The following CHCHD6 variants were observed in gnomAD, a reference collection of about 807,000 sequenced individuals.
CHCHD6 encodes the protein MICOS complex subunit MIC25.
Under a neutral mutation model 32.3 loss-of-function variants are expected in CHCHD6, and 28 were observed. The observed-to-expected ratio is 0.87, with a 90% CI of 0.64 to 1.19. The LOEUF (loss-of-function observed/expected upper bound fraction) is 1.19, where lower values mean the gene tolerates loss of function less well. Among genes scored for constraint, CHCHD6 ranks in the 50% most tolerant of loss-of-function variants. The probability of loss-of-function intolerance (pLI) is 0.00; values close to 1 mark genes in which losing one functional copy is unlikely to be tolerated. For synonymous variants in CHCHD6, 122 were observed against 117.5 expected, an observed-to-expected ratio of 1.04 and a Z score of -0.25; for missense variants, 333 against 307.0, an observed-to-expected ratio of 1.08 and a Z score of -0.63.
intron 5 of CHCHD6, among the ~76,000 whole-genome samples, chr3:126,908,938 C>T (rs4679302): frequency 0.72 from 110,111 of 152,194 alleles, 41,791 homozygotes; most frequent in Non-Finnish European, 0.84. Flanking sequence ...AGAGGTGGGT[C>T]CTGACCCTGC....
intron 5 of CHCHD6, among the ~76,000 whole-genome samples, chr3:126,857,215 G>GC (rs1359362615): frequency 6.6e-6 from 1 of 152,166 alleles, no homozygotes; most frequent in Non-Finnish European, 1.5e-5. Context: ...ATGGGAGGAT[G>GC]CCCATATGCA....
chr3:126,766,103 T>C (rs547605319), intron 4 of CHCHD6, among the ~76,000 whole-genome samples: 1 of 152,052 alleles, frequency 6.6e-6, no homozygotes, highest in Non-Finnish European at 1.5e-5. Flanking sequence ...AAAGGGGTGT[T>C]TTGGGGAGTG....
At chr3:126,901,009 C>CG (rs1331554535) in intron 5 of CHCHD6, among the ~76,000 whole-genome samples, 1 of 151,992 alleles carries the variant, frequency 6.6e-6, no homozygotes, top group Non-Finnish European at 1.5e-5. Flanking sequence ...ATGCAAACAC[C>CG]CCCCCCAGGC....
intron 4 of CHCHD6, among the ~76,000 whole-genome samples, chr3:126,827,268 ATAT>A (rs1328374109): frequency 1.3e-5 from 2 of 152,208 alleles, no homozygotes; most frequent in Non-Finnish European, 2.9e-5. Context: ...TGTCCTGGGA[ATAT>A]TATTCTTGCT....
chr3:126,872,655 A>G (rs1408340376), intron 5 of CHCHD6, among the ~76,000 whole-genome samples: 1 of 152,154 alleles, frequency 6.6e-6, no homozygotes, highest in Non-Finnish European at 1.5e-5. Context: ...TCCTTGCCTG[A>G]GCTGCCAGGA....
intron 4 of CHCHD6, among the ~76,000 whole-genome samples, chr3:126,825,707 A>G (rs1176818851): frequency 6.6e-6 from 1 of 152,068 alleles, no homozygotes; most frequent in South Asian, 2.1e-4. Flanking sequence ...TAACTTTACT[A>G]CTTTAACTTT....
At chr3:126,813,584 A>G (rs907476792) in intron 4 of CHCHD6, among the ~76,000 whole-genome samples, 10 of 152,204 alleles carry the variant, frequency 6.6e-5, no homozygotes, top group African/African-American at 2.4e-4. Context: ...CAATTTGAGA[A>G]AGGCATTAGT....
At chr3:126,817,201 G>A (rs1255089172) in intron 4 of CHCHD6, among the ~76,000 whole-genome samples, 1 of 152,140 alleles carries the variant, frequency 6.6e-6, no homozygotes, top group Non-Finnish European at 1.5e-5. Flanking sequence ...CATTACCTCT[G>A]CAGAATGTTC....
chr3:126,782,229 A>T (rs948756724), intron 4 of CHCHD6, among the ~76,000 whole-genome samples: 2 of 152,230 alleles, frequency 1.3e-5, no homozygotes, highest in Non-Finnish European at 2.9e-5. Context: ...CATAGTGAGT[A>T]ATTGAATAAT....
At chr3:126,766,580 C>T in intron 4 of CHCHD6, 1 of 1,173,420 alleles carries the variant, frequency 8.5e-7, no homozygotes, top group Non-Finnish European at 1.3e-6. Flanking sequence ...TCCTGGGCTG[C>T]AGTGGAAGAC....
intron 4 of CHCHD6, among the ~76,000 whole-genome samples, chr3:126,738,405 A>G (rs1018443085): frequency 2.0e-5 from 3 of 152,204 alleles, no homozygotes; most frequent in African/African-American, 7.2e-5. Context: ...AAGTTTTTGA[A>G]TTGCAATTTT....
chr3:126,838,628 ATTCTTGGTGATAGT>A (rs2107545603), intron 4 of CHCHD6, among the ~76,000 whole-genome samples: 1 of 152,326 alleles, frequency 6.6e-6, no homozygotes, highest in African/African-American at 2.4e-5. Context: ...GGAGGGACGG[ATTCTTGGTGATAGT>A]TTCTTCTTCA....
chr3:126,750,935 T>G (rs1936696568), intron 4 of CHCHD6, among the ~76,000 whole-genome samples: 1 of 152,164 alleles, frequency 6.6e-6, no homozygotes, highest in Non-Finnish European at 1.5e-5. Flanking sequence ...AAGGCACAGC[T>G]GAGCAAGGGC....
chr3:126,836,826 G>A (rs967182661), intron 4 of CHCHD6, among the ~76,000 whole-genome samples: 2 of 152,208 alleles, frequency 1.3e-5, no homozygotes, highest in Non-Finnish European at 2.9e-5. Context: ...AAAATTCATG[G>A]CACATGCCCA....
At chr3:126,774,295 C>G (rs1360273089) in intron 4 of CHCHD6, among the ~76,000 whole-genome samples, 1 of 152,138 alleles carries the variant, frequency 6.6e-6, no homozygotes, top group Admixed American at 6.6e-5. Context: ...CTCTTATGCC[C>G]TTTTGCAAAG....
chr3:126,742,653 A>G (rs941763941), intron 4 of CHCHD6, among the ~76,000 whole-genome samples: 1 of 152,096 alleles, frequency 6.6e-6, no homozygotes, highest in African/African-American at 2.4e-5. Context: ...ACTTTGTAGG[A>G]AAAGGAAGGG....
At chr3:126,756,334 G>T (rs944169759) in intron 4 of CHCHD6, among the ~76,000 whole-genome samples, 3 of 152,294 alleles carry the variant, frequency 2.0e-5, no homozygotes, top group Admixed American at 6.5e-5. Context: ...TTATTAAAAC[G>T]CTTCTCCTTT....
At chr3:126,737,500 G>C (rs1936101452) in intron 4 of CHCHD6, among the ~76,000 whole-genome samples, 1 of 151,288 alleles carries the variant, frequency 6.6e-6, no homozygotes, top group South Asian at 2.1e-4. Context: ...ATGGAAATAA[G>C]AGACAGCTTC....
intron 5 of CHCHD6, among the ~76,000 whole-genome samples, chr3:126,876,958 A>G (rs147560146): frequency 6.6e-6 from 1 of 152,362 alleles, no homozygotes; most frequent in African/African-American, 2.4e-5. Flanking sequence ...GAATCTGAGC[A>G]GCATCCAAAG....
Sources: gnomAD v4.1 joint callset for allele counts (sites outside exome capture counted in the v4.1 genomes callset) on GRCh38, gnomAD v4.1.1 for gene constraint, MANE v1.5 for transcripts, NCBI Gene and HGNC (gene_info 2026-07-23, HGNC 2026-07-21) for gene names.